ARSF: variants seen among roughly 807,000 people sequenced by gnomAD.
ARSF encodes the protein arylsulfatase F.
ARSF carries 33 observed loss-of-function variants against 35.4 expected under a neutral mutation model. The observed-to-expected ratio is 0.93, with a 90% CI of 0.71 to 1.25. The LOEUF is 1.25. Among genes scored for constraint, ARSF ranks in the 50% most tolerant of loss-of-function variants. The pLI is 0.00. For synonymous variants in ARSF, 222 were observed against 193.1 expected (o/e 1.15, Z -1.24); for missense variants, 501 against 480.2 (o/e 1.04, Z -0.40).
intron 5 of ARSF, among the ~76,000 whole-genome samples, chrX:3,081,943 AAG>A (rs1248852532): frequency 9.0e-6 from 1 of 111,219 alleles, no homozygotes; most frequent in African/African-American, 3.3e-5. Context: ...TGCTGTTGAT[AAG>A]AGAAGGCAAT....
chrX:3,056,337 G>A (rs1426921592), intron 1 of ARSF, among the ~76,000 whole-genome samples: 3 of 105,045 alleles, frequency 2.9e-5, no homozygotes, highest in African/African-American at 3.5e-5. Flanking sequence ...GCACAGTGGC[G>A]CTATCTCGGC....
chrX:3,043,218 A>T lies in ARSF; in HGVS notation c.-29+1555A>T, dbSNP rs573191233. 4.5e-4 allele frequency among the ~76,000 whole-genome samples: 50 copies of T among 112,120 alleles called. 1 individual carries two copies. In the South Asian group the frequency reaches 0.018, roughly 41 times the overall value. On this transcript the variant is annotated intron_variant, in intron 1 of 10. Transcript: ENST00000381127. ...TTTGGTAAGAAATGTTAAAAGAAAA[A>T]TAATTTTGTATGAGAAAGAATCTTG...
chrX:3,076,998 T>C (rs974685885), intron 4 of ARSF, among the ~76,000 whole-genome samples: 3 of 110,650 alleles, frequency 2.7e-5, no homozygotes, highest in African/African-American at 9.9e-5. Flanking sequence ...GTGAGTGTGA[T>C]CACAGCATTG....
chrX:3,053,516 T>C (rs1332071551), intron 1 of ARSF, among the ~76,000 whole-genome samples: 1 of 109,173 alleles, frequency 9.2e-6, no homozygotes, highest in Non-Finnish European at 1.9e-5. Flanking sequence ...ATTTTTAAAT[T>C]TGGGCAGATT....
At chrX:3,054,911 A>G (rs1327332414) in intron 1 of ARSF, among the ~76,000 whole-genome samples, 2 of 106,064 alleles carry the variant, frequency 1.9e-5, no homozygotes, top group African/African-American at 7.0e-5. Flanking sequence ...TATTTTTTGT[A>G]TTTAGTAGAG....
At chrX:3,106,987 C>T (rs2090415179) in intron 9 of ARSF, among the ~76,000 whole-genome samples, 1 of 111,967 alleles carries the variant, frequency 8.9e-6, no homozygotes, top group Non-Finnish European at 1.9e-5. Context: ...TGCATATTAC[C>T]TACACACATC....
chrX:3,077,819 T>TTATTATTATTATTA (rs1569138572), intron 4 of ARSF, among the ~76,000 whole-genome samples: 1 of 23,709 alleles, frequency 4.2e-5, no homozygotes, highest in Non-Finnish European at 8.4e-5. Context: ...TATTATTATT[T>TTATTATTATTATTA]TTGAAATGGA....
At chrX:3,057,979 A>G (rs1275249978) in intron 1 of ARSF, among the ~76,000 whole-genome samples, 1 of 111,809 alleles carries the variant, frequency 8.9e-6, no homozygotes, top group Non-Finnish European at 1.9e-5. Context: ...AACATTGCAA[A>G]TCATGACCTG....
chrX:3,055,462 C>T (rs1438517273), intron 1 of ARSF, among the ~76,000 whole-genome samples: 2 of 110,490 alleles, frequency 1.8e-5, no homozygotes, highest in Non-Finnish European at 3.8e-5. Flanking sequence ...CCCCTTATCC[C>T]TCTTGTTCAA....
intron 9 of ARSF, among the ~76,000 whole-genome samples, chrX:3,104,130 A>G (rs770863965): frequency 2.7e-5 from 3 of 111,920 alleles, no homozygotes; most frequent in African/African-American, 9.7e-5. Flanking sequence ...TAAAATATAC[A>G]TATATAATTT....
intron 5 of ARSF, 141 bp downstream of exon 5, chrX:3,081,154 A>AAAGTACTGGGATT: frequency 1.1e-6 from 1 of 875,686 alleles, no homozygotes; most frequent in Non-Finnish European, 1.5e-6. Context: ...CTACAATCCC[A>AAAGTACTGGGATT]GTACTTTGGG....
chrX:3,105,612 C>T lies in ARSF; in HGVS notation c.1265+1688C>T, dbSNP rs760053878. Among the ~76,000 whole-genome samples the T allele has an allele frequency of 1.2e-4, 13 of 110,954 alleles. No homozygotes were observed. The South Asian group carries it at 1.2e-3, about 10-fold the overall frequency. Reference sequence around the variant, plus strand: ...CTCCAGTAGCTGGGACTACAGGCACCGGCCACCACGCCTGGGTAATTTTTG... The same window carrying T: ...CTCCAGTAGCTGGGACTACAGGCACTGGCCACCACGCCTGGGTAATTTTTG... On this transcript the variant is annotated intron_variant, in intron 9 of 10. Transcript: ENST00000381127.
intron 3 of ARSF, among the ~76,000 whole-genome samples, 174 bp from the exon 4 acceptor site, chrX:3,076,370 GTCTC>G (rs755837854): frequency 9.3e-6 from 1 of 107,029 alleles, no homozygotes; most frequent in Non-Finnish European, 1.9e-5. Context: ...CTTTCTGTCT[GTCTC>G]TCTCTCTGCC....
chrX:3,091,092 T>A (rs1352474219), intron 7 of ARSF, among the ~76,000 whole-genome samples: 1 of 111,268 alleles, frequency 9.0e-6, no homozygotes, highest in Non-Finnish European at 1.9e-5. Flanking sequence ...TTTTTGTATT[T>A]TTTGTAGAGG....
intron 1 of ARSF, 112 bp from the exon 2 acceptor site, chrX:3,067,961 C>A: frequency 2.0e-6 from 1 of 501,329 alleles, no homozygotes; most frequent in Non-Finnish European, 3.2e-6. Context: ...AGGGATATGG[C>A]TCACAAGTCT....
At chrX:3,094,348 A>T (rs2090325017) in intron 7 of ARSF, among the ~76,000 whole-genome samples, 1 of 111,753 alleles carries the variant, frequency 8.9e-6, no homozygotes, top group Non-Finnish European at 1.9e-5. Context: ...TCTTCTCTGA[A>T]GTCTCCAGTA....
At chrX:3,080,616 G>A in intron 4 of ARSF, among the ~76,000 whole-genome samples, 1 of 111,381 alleles carries the variant, frequency 9.0e-6, no homozygotes, top group East Asian at 2.8e-4. Flanking sequence ...CAGATTCAGT[G>A]TCTGCTGGGG....
At chrX:3,077,537 G>A (rs1401997569) in intron 4 of ARSF, among the ~76,000 whole-genome samples, 1 of 108,695 alleles carries the variant, frequency 9.2e-6, no homozygotes, top group Non-Finnish European at 1.9e-5. Context: ...TACTCAGGAG[G>A]CTGAGGCAGG....
At chrX:3,110,955 C>A (rs2090440975) in intron 10 of ARSF, among the ~76,000 whole-genome samples, 1 of 111,853 alleles carries the variant, frequency 8.9e-6, no homozygotes, top group Non-Finnish European at 1.9e-5. Context: ...CTGATATCTG[C>A]TGGAAAATGT....
Sources: gnomAD v4.1 joint callset for allele counts (sites outside exome capture counted in the v4.1 genomes callset) on GRCh38, gnomAD v4.1.1 for gene constraint, MANE v1.5 for transcripts, NCBI Gene and HGNC (gene_info 2026-07-23, HGNC 2026-07-21) for gene names.